Variants in TTC27 observed in about 807,000 individuals in gnomAD.
TTC27 encodes tetratricopeptide repeat domain 27.
A neutral mutation model predicts 115.9 loss-of-function variants in TTC27; 79 were observed. The observed-to-expected ratio is 0.68, with a 90% CI of 0.57 to 0.82. TTC27 has a LOEUF of 0.82. Among genes scored for constraint, TTC27 ranks in the 40% least tolerant of loss-of-function variants. The probability of loss-of-function intolerance (pLI) is 0.00; values close to 1 mark genes in which losing one functional copy is unlikely to be tolerated. For missense variants in TTC27, 1,054 were observed against 993.1 expected, an observed-to-expected ratio of 1.06 and a Z score of -0.82; for synonymous variants, 401 against 356.0, an observed-to-expected ratio of 1.13 and a Z score of -1.42.
intron 10 of TTC27, among the ~76,000 whole-genome samples, chr2:32,727,558 T>C (rs1668152313): frequency 6.6e-6 from 1 of 152,330 alleles, no homozygotes; most frequent in African/African-American, 2.4e-5. Context: ...TAACATACTC[T>C]TTCCCTGTTC....
chr2:32,734,934 G>A (rs1013139419), intron 11 of TTC27, among the ~76,000 whole-genome samples: 6 of 152,098 alleles, frequency 3.9e-5, no homozygotes, highest in African/African-American at 4.8e-5. Flanking sequence ...TGTTTTACAC[G>A]TGAGGAAGCT....
intron 5 of TTC27, among the ~76,000 whole-genome samples, chr2:32,660,408 C>T (rs1665497796): frequency 6.6e-6 from 1 of 152,064 alleles, no homozygotes; most frequent in East Asian, 1.9e-4. Context: ...CATGGAATAC[C>T]ATGCGGCTAT....
chr2:32,770,400 C>G (rs1183869163), intron 13 of TTC27, among the ~76,000 whole-genome samples: 1 of 152,178 alleles, frequency 6.6e-6, no homozygotes, highest in Non-Finnish European at 1.5e-5. Flanking sequence ...TTCCAGAGCT[C>G]TTGCTCTTAA....
rs369242352 is a variant in TTC27, at chr2:32,666,777, G to T, written c.939+9G>T. 1.2e-6 allele frequency: 2 copies of T among 1,609,770 alleles called. No homozygotes were observed. Among genetic ancestry groups the T allele is most frequent in the Non-Finnish European group, 1.7e-6 (2 of 1,178,158 alleles). The stretch of plus-strand genomic sequence containing the variant: ...AGGAACATTTAACCAAGGCAAGTAG[G>T]ACATTAAGTTATTAAATTCAATTAA... On this transcript the variant is annotated intron_variant, in intron 7 of 19. Transcript: ENST00000317907.
At chr2:32,795,135 A>G (rs1038936407) in intron 16 of TTC27, among the ~76,000 whole-genome samples, 1 of 150,264 alleles carries the variant, frequency 6.7e-6, no homozygotes. Context: ...ATTACAAGAA[A>G]AAAAAAAAAA....
chr2:32,790,405 C>T (rs1250455467), intron 16 of TTC27, among the ~76,000 whole-genome samples: 1 of 151,648 alleles, frequency 6.6e-6, no homozygotes, highest in Non-Finnish European at 1.5e-5. Context: ...TTATCATTTT[C>T]TTTCTTGTTT....
intron 13 of TTC27, among the ~76,000 whole-genome samples, chr2:32,772,504 C>G (rs563515441): frequency 1.3e-4 from 20 of 152,290 alleles, no homozygotes; most frequent in African/African-American, 4.8e-4. Flanking sequence ...AACCATACAT[C>G]TATTCTGTTG....
chr2:32,701,277 T>G (rs192408016), intron 9 of TTC27, among the ~76,000 whole-genome samples: 3 of 152,330 alleles, frequency 2.0e-5, no homozygotes, highest in African/African-American at 7.2e-5. Context: ...GTACTCCTCT[T>G]CCTTCACCAT....
intron 12 of TTC27, among the ~76,000 whole-genome samples, chr2:32,754,246 C>G (rs987441632): frequency 1.3e-5 from 2 of 149,796 alleles, no homozygotes. Flanking sequence ...AGCAGATAAA[C>G]AAGTGAACAA....
At chr2:32,800,175 A>G (rs1391365439) in intron 16 of TTC27, among the ~76,000 whole-genome samples, 3 of 152,102 alleles carry the variant, frequency 2.0e-5, no homozygotes, top group Non-Finnish European at 2.9e-5. Flanking sequence ...GCAGATACAT[A>G]CAAGTGCTGT....
chr2:32,806,085 C>T (rs193245662), intron 16 of TTC27, among the ~76,000 whole-genome samples: 18 of 152,292 alleles, frequency 1.2e-4, no homozygotes, highest in Admixed American at 8.5e-4. Context: ...AGAGTCATTC[C>T]ACCTCTAAAA....
At chr2:32,642,101 C>G (rs1247674792) in intron 4 of TTC27, among the ~76,000 whole-genome samples, 4 of 152,070 alleles carry the variant, frequency 2.6e-5, no homozygotes, top group African/African-American at 9.7e-5. Flanking sequence ...AGGTGATCTG[C>G]CTACCTCAGC....
intron 16 of TTC27, among the ~76,000 whole-genome samples, chr2:32,793,808 C>T (rs1181306314): frequency 6.6e-6 from 1 of 152,114 alleles, no homozygotes; most frequent in Non-Finnish European, 1.5e-5. Context: ...CAGGTGTGAG[C>T]CACCATACCC....
At chr2:32,691,743 C>CT (rs34528193) in intron 9 of TTC27, among the ~76,000 whole-genome samples, 95,228 of 151,594 alleles carry the variant, frequency 0.63, 30,702 homozygotes, top group South Asian at 0.77. Context: ...GTTTATTTCA[C>CT]ATTCACAACA....
At position 32,666,617 on chromosome 2, in the gene TTC27, A is replaced by G. The variant is rs1665785919; in HGVS notation, c.806-18A>G. ...TCTCATGGGTAAGTCAGTAGATATA[A>G]TTTTATTGTTTTTTCAGGTGCTTTG... On this transcript the variant is annotated intron_variant, in intron 6 of 19. Coordinates refer to ENST00000317907, the MANE Select transcript of TTC27 (RefSeq NM_017735.5). 2 of 1,613,344 alleles carry G rather than the reference A, an allele frequency of 1.2e-6. No individual in the cohort carries two copies. Among genetic ancestry groups the G allele is most frequent in the African/African-American group, 1.3e-5 (1 of 74,878 alleles).
intron 5 of TTC27, among the ~76,000 whole-genome samples, chr2:32,657,964 G>A (rs1024491636): frequency 9.2e-5 from 14 of 152,312 alleles, no homozygotes; most frequent in Non-Finnish European, 7.3e-5. Flanking sequence ...CAAGAAGCTG[G>A]CATTACAGGC....
At chr2:32,804,783 A>G (rs1272291946) in intron 16 of TTC27, among the ~76,000 whole-genome samples, 1 of 151,948 alleles carries the variant, frequency 6.6e-6, no homozygotes, top group East Asian at 1.9e-4. Context: ...ACTTACATAT[A>G]ATAAAAAGAT....
intron 5 of TTC27, among the ~76,000 whole-genome samples, chr2:32,654,936 T>C (rs1665262519): frequency 6.6e-6 from 1 of 151,114 alleles, no homozygotes; most frequent in African/African-American, 2.4e-5. Flanking sequence ...CCTCAAATGA[T>C]CCATCCTCCT....
chr2:32,810,924 T>G, intron 16 of TTC27, 100 bp from the exon 17 acceptor site: 1 of 1,340,522 alleles, frequency 7.5e-7, no homozygotes, highest in African/African-American at 1.5e-5. Context: ...TTTCATAAGG[T>G]TTTTCATTGT....
Sources: gnomAD v4.1 joint callset for allele counts (sites outside exome capture counted in the v4.1 genomes callset) on GRCh38, gnomAD v4.1.1 for gene constraint, MANE v1.5 for transcripts, NCBI Gene and HGNC (gene_info 2026-07-23, HGNC 2026-07-21) for gene names.